Variants in CFAP61 observed in about 807,000 individuals in gnomAD.
The protein encoded by CFAP61 is cilia and flagella associated protein 61.
A neutral mutation model predicts 135.6 loss-of-function variants in CFAP61; 107 were observed. The observed-to-expected ratio is 0.79, with a 90% CI of 0.67 to 0.93. The LOEUF (loss-of-function observed/expected upper bound fraction) is 0.93. CFAP61 is among the 40% of genes least tolerant of loss of function. The probability of loss-of-function intolerance (pLI) is 0.00; values close to 1 mark genes in which losing one functional copy is unlikely to be tolerated. For synonymous variants in CFAP61, 575 were observed against 578.5 expected, an observed-to-expected ratio of 0.99 and a Z score of 0.09; for missense variants, 1,507 against 1,556.2, an observed-to-expected ratio of 0.97 and a Z score of 0.53.
chr20:20,285,138 G>A (rs1219831480), intron 22 of CFAP61, among the ~76,000 whole-genome samples: 2 of 151,950 alleles, frequency 1.3e-5, no homozygotes, highest in Non-Finnish European at 2.9e-5. Flanking sequence ...ATGCATTTTT[G>A]TTTAAAAATC....
At chr20:20,248,305 G>A (rs945651110) in intron 19 of CFAP61, among the ~76,000 whole-genome samples, 4 of 152,162 alleles carry the variant, frequency 2.6e-5, no homozygotes, top group Non-Finnish European at 4.4e-5. Flanking sequence ...CTTTCAAATG[G>A]TCCTCATAAC....
At chr20:20,191,265 G>C in intron 14 of CFAP61, 77 bp from the exon 15 acceptor site, 1 of 1,207,322 alleles carries the variant, frequency 8.3e-7, no homozygotes, top group Non-Finnish European at 1.2e-6. Context: ...ACGTGGTTAA[G>C]ACCCACTGTT....
chr20:20,148,004 T>C (rs1050104325), intron 9 of CFAP61, among the ~76,000 whole-genome samples: 2 of 152,160 alleles, frequency 1.3e-5, no homozygotes, highest in South Asian at 4.1e-4. Flanking sequence ...TTGTTGAATA[T>C]GGTGTCCTTT....
At chr20:20,105,018 G>A (rs1473334814) in intron 8 of CFAP61, among the ~76,000 whole-genome samples, 1 of 152,112 alleles carries the variant, frequency 6.6e-6, no homozygotes, top group African/African-American at 2.4e-5. Flanking sequence ...TACGAGTTTT[G>A]GGGGTGGGAG....
chr20:20,289,984 G>T (rs2054881344), intron 23 of CFAP61, among the ~76,000 whole-genome samples: 1 of 152,204 alleles, frequency 6.6e-6, no homozygotes, highest in Admixed American at 6.5e-5. Flanking sequence ...GGCTTCTAAA[G>T]GTCTTGATCT....
intron 1 of CFAP61, among the ~76,000 whole-genome samples, chr20:20,055,615 T>C (rs1455810344): frequency 2.6e-5 from 4 of 152,358 alleles, no homozygotes; most frequent in Non-Finnish European, 4.4e-5. Flanking sequence ...TTTACCAAAG[T>C]CAGTTATCTA....
intron 26 of CFAP61, among the ~76,000 whole-genome samples, chr20:20,358,054 GTGAGGGGAGGTGGTCACAC>G (rs1378756251): frequency 6.1e-5 from 9 of 147,478 alleles, no homozygotes; most frequent in South Asian, 2.2e-4. Flanking sequence ...TGGTCATAGT[GTGAGGGGAGGTGGTCACAC>G]TGAGGGGAGG....
intron 1 of CFAP61, among the ~76,000 whole-genome samples, chr20:20,054,184 T>A (rs528947339): frequency 6.6e-6 from 1 of 152,108 alleles, no homozygotes; most frequent in Non-Finnish European, 1.5e-5. Context: ...CCTAGTTCTT[T>A]CTACAAGATT....
intron 12 of CFAP61, among the ~76,000 whole-genome samples, chr20:20,168,705 G>A (rs2146820270): frequency 6.6e-6 from 1 of 152,152 alleles, no homozygotes; most frequent in East Asian, 1.9e-4. Context: ...GTACTGACAG[G>A]GCAGGCCTAG....
chr20:20,119,477 TG>T (rs2049441366), intron 8 of CFAP61, among the ~76,000 whole-genome samples: 1 of 152,176 alleles, frequency 6.6e-6, no homozygotes, highest in South Asian at 2.1e-4. Flanking sequence ...TGTATGTTTC[TG>T]ATTTTATTTG....
intron 1 of CFAP61, among the ~76,000 whole-genome samples, chr20:20,054,402 T>C (rs972414354): frequency 1.1e-4 from 16 of 147,468 alleles, no homozygotes; most frequent in Non-Finnish European, 1.8e-4. Flanking sequence ...TAGGGATATA[T>C]ATATATATAT....
At chr20:20,071,078 T>C (rs939186471) in intron 3 of CFAP61, 74 bp downstream of exon 3, 1 of 1,483,578 alleles carries the variant, frequency 6.7e-7, no homozygotes, top group South Asian at 1.2e-5. Flanking sequence ...TGATTATGTC[T>C]TTCCAAGTTT....
chr20:20,119,535 T>C (rs2049445625), intron 8 of CFAP61, among the ~76,000 whole-genome samples: 1 of 152,182 alleles, frequency 6.6e-6, no homozygotes, highest in African/African-American at 2.4e-5. Context: ...TTGTCTATTT[T>C]TGTACCTTTC....
At chr20:20,338,397 A>G (rs1304742158) in intron 25 of CFAP61, among the ~76,000 whole-genome samples, 1 of 152,198 alleles carries the variant, frequency 6.6e-6, no homozygotes, top group Non-Finnish European at 1.5e-5. Flanking sequence ...GCCTGTGAAC[A>G]GCTCTAAAAG....
intron 12 of CFAP61, among the ~76,000 whole-genome samples, chr20:20,166,701 T>G (rs2053862054): frequency 6.6e-6 from 1 of 151,778 alleles, no homozygotes; most frequent in South Asian, 2.1e-4. Flanking sequence ...AAATCATTCA[T>G]AGTAATACAT....
At chr20:20,077,704 G>A (rs960907869) in intron 6 of CFAP61, among the ~76,000 whole-genome samples, 1 of 152,206 alleles carries the variant, frequency 6.6e-6, no homozygotes, top group Non-Finnish European at 1.5e-5. Flanking sequence ...GCAGAGAAGA[G>A]CCTTCCAGGT....
intron 13 of CFAP61, among the ~76,000 whole-genome samples, chr20:20,173,744 C>T (rs561431764): frequency 6.6e-5 from 10 of 151,986 alleles, no homozygotes; most frequent in East Asian, 3.9e-4. Context: ...CTTTATACTC[C>T]GCATTCCTAA....
At chr20:20,243,653 T>C (rs2050191471) in intron 18 of CFAP61, among the ~76,000 whole-genome samples, 1 of 152,046 alleles carries the variant, frequency 6.6e-6, no homozygotes, top group African/African-American at 2.4e-5. Context: ...GTCAGGCTGG[T>C]CTCAAACTCC....
At chr20:20,299,603 A>G (rs139723417) in intron 25 of CFAP61, among the ~76,000 whole-genome samples, 53 of 152,284 alleles carry the variant, frequency 3.5e-4, no homozygotes, top group African/African-American at 1.2e-3. Flanking sequence ...TGATTTCCTA[A>G]ATAATATATT....
Sources: allele counts gnomAD v4.1 joint callset (sites outside exome capture counted in the v4.1 genomes callset), GRCh38; gene constraint gnomAD v4.1.1; transcripts MANE v1.5; gene names NCBI Gene and HGNC (gene_info 2026-07-23, HGNC 2026-07-21).